Variants in ACKR2 observed in about 807,000 individuals in gnomAD.
The protein encoded by ACKR2 is atypical chemokine receptor 2.
For synonymous variants in ACKR2, 207 were observed against 192.2 expected (o/e 1.08, Z -0.64); for missense variants, 457 against 477.3 (o/e 0.96, Z 0.40).
chr3:42,855,936 A>C (rs961540244), intron 2 of ACKR2: 11 of 158,170 alleles, frequency 7.0e-5, no homozygotes, highest in Non-Finnish European at 9.7e-5. Context: ...TCAAGTCAAG[A>C]TCAAGGTCCA....
rs115196395 is a variant in ACKR2, at chr3:42,846,701, G to C, written c.-37-17765G>C. Among the ~76,000 whole-genome samples the C allele has an allele frequency of 5.3e-3, 809 of 152,314 alleles. 12 individuals carry two copies. Among genetic ancestry groups the C allele is most frequent in the African/African-American group, 0.018 (743 of 41,562 alleles). On this transcript the variant is annotated intron_variant, in intron 2 of 2. Coordinates refer to ENST00000422265, the MANE Select transcript of ACKR2 (RefSeq NM_001296.5). Reference sequence around the variant, plus strand: ...GAAAGCCTCAGGTGGTGGAGTCTTTGTATAAGAAGCGGTAAGACCACTGTT... The same window carrying C: ...GAAAGCCTCAGGTGGTGGAGTCTTTCTATAAGAAGCGGTAAGACCACTGTT...
At chr3:42,818,947 C>T (rs1306242654) in intron 1 of ACKR2, among the ~76,000 whole-genome samples, 2 of 151,996 alleles carry the variant, frequency 1.3e-5, no homozygotes, top group Admixed American at 6.6e-5. Flanking sequence ...TTTGCAGCTC[C>T]TCAAATTCCT....
At chr3:42,845,848 C>CA (rs35395771) in intron 2 of ACKR2, among the ~76,000 whole-genome samples, 1,786 of 48,498 alleles carry the variant, frequency 0.037, 26 homozygotes, top group East Asian at 0.12. Context: ...GACTCCGTCT[C>CA]AAAAAAAAAA....
At chr3:42,836,927 C>A (rs1210442560) in intron 2 of ACKR2, among the ~76,000 whole-genome samples, 1 of 152,238 alleles carries the variant, frequency 6.6e-6, no homozygotes, top group Non-Finnish European at 1.5e-5. Context: ...TCTTCCCCAC[C>A]TCTGATCACC....
chr3:42,821,766 G>C (rs967659977), intron 2 of ACKR2, among the ~76,000 whole-genome samples: 1 of 151,536 alleles, frequency 6.6e-6, no homozygotes, highest in Non-Finnish European at 1.5e-5. Flanking sequence ...GCGCTATCTC[G>C]GCTCACTGCA....
intron 2 of ACKR2, chr3:42,834,684 T>A (rs554135410): frequency 1.3e-5 from 2 of 151,390 alleles, no homozygotes; most frequent in Non-Finnish European, 2.9e-5. Flanking sequence ...TTCAAGTGAT[T>A]CTTCTGCCTC....
chr3:42,820,050 C>T (rs1364115171), intron 2 of ACKR2, among the ~76,000 whole-genome samples: 1 of 152,132 alleles, frequency 6.6e-6, no homozygotes, highest in East Asian at 1.9e-4. Flanking sequence ...GTCATTCTGC[C>T]CTCATACTGA....
Position 42,865,841 on chromosome 3 carries a change from G to A in ACKR2, c.*184G>A. On this transcript the variant is annotated 3_prime_UTR_variant, in exon 3 of 3. Coordinates refer to ENST00000422265, the MANE Select transcript of ACKR2 (RefSeq NM_001296.5). ...CCTCCACTTTCTTCACTTGCTTCCA[G>A]GATACCACGCTTTCTTTTCTGAATT... is the stretch of plus-strand genomic sequence containing the variant. The A allele has an allele frequency of 3.6e-6, 2 of 556,380 alleles. No homozygotes were observed. The highest frequency in any genetic ancestry group is 6.4e-6 in the Non-Finnish European group (2 of 310,106). The allele number at this position is 556,380 out of a possible 1,614,324, so 34.5% of individuals were successfully genotyped here.
At chr3:42,862,889 C>T (rs2088398910) in intron 2 of ACKR2, among the ~76,000 whole-genome samples, 2 of 152,162 alleles carry the variant, frequency 1.3e-5, no homozygotes, top group Non-Finnish European at 2.9e-5. Flanking sequence ...AAACATAAGA[C>T]CTAAAATCGT....
At chr3:42,863,431 C>T (rs1027390829) in intron 2 of ACKR2, among the ~76,000 whole-genome samples, 4 of 152,158 alleles carry the variant, frequency 2.6e-5, no homozygotes, top group Non-Finnish European at 1.5e-5. Context: ...ATTAGTTCAA[C>T]CATTGTGGAA....
At chr3:42,854,510 T>A (rs2088289253) in intron 2 of ACKR2, among the ~76,000 whole-genome samples, 1 of 152,130 alleles carries the variant, frequency 6.6e-6, no homozygotes, top group South Asian at 2.1e-4. Context: ...GGGTCGTCAC[T>A]TCCACCTCAC....
intron 2 of ACKR2, among the ~76,000 whole-genome samples, chr3:42,828,450 A>G (rs1327603482): frequency 6.6e-6 from 1 of 152,156 alleles, no homozygotes. Context: ...GGAAAGTCAG[A>G]TCAAGTGACT....
chr3:42,809,571 G>A (rs1700673036), intron 1 of ACKR2, 39 bp downstream of exon 1: 1 of 152,160 alleles, frequency 6.6e-6, no homozygotes, highest in Non-Finnish European at 1.5e-5. Flanking sequence ...TAGACAAAAA[G>A]TAGGGGAAGC....
intron 1 of ACKR2, among the ~76,000 whole-genome samples, chr3:42,811,729 C>T (rs1173691677): frequency 6.6e-6 from 1 of 152,108 alleles, no homozygotes; most frequent in African/African-American, 2.4e-5. Flanking sequence ...AAAACCCGAT[C>T]GTAAATTCCT....
At chr3:42,843,053 T>C (rs1701056565) in intron 2 of ACKR2, among the ~76,000 whole-genome samples, 2 of 147,908 alleles carry the variant, frequency 1.4e-5, no homozygotes, top group Non-Finnish European at 3.0e-5. Flanking sequence ...TATTTATTTA[T>C]TTATTTATTT....
intron 1 of ACKR2, among the ~76,000 whole-genome samples, chr3:42,814,215 C>G (rs1202368385): frequency 6.6e-6 from 1 of 152,214 alleles, no homozygotes; most frequent in Non-Finnish European, 1.5e-5. Context: ...TTTCATAATA[C>G]AGACATTATA....
intron 1 of ACKR2, among the ~76,000 whole-genome samples, chr3:42,818,859 G>A (rs976051947): frequency 1.3e-5 from 2 of 152,182 alleles, no homozygotes; most frequent in African/African-American, 2.4e-5. Flanking sequence ...ACCATACCTG[G>A]CCCATAGATT....
chr3:42,813,623 C>T (rs1700716902), intron 1 of ACKR2, among the ~76,000 whole-genome samples: 1 of 152,140 alleles, frequency 6.6e-6, no homozygotes, highest in South Asian at 2.1e-4. Flanking sequence ...TAATCACCTC[C>T]TACCAGGCCC....
chr3:42,833,437 AGTG>A (rs1205917614), intron 2 of ACKR2, among the ~76,000 whole-genome samples: 4 of 152,152 alleles, frequency 2.6e-5, no homozygotes, highest in Non-Finnish European at 5.9e-5. Context: ...TAAGTTCTTT[AGTG>A]GTGATTTCTG....
Sources: allele counts gnomAD v4.1 joint callset (sites outside exome capture counted in the v4.1 genomes callset), GRCh38; gene constraint gnomAD v4.1.1; transcripts MANE v1.5; gene names NCBI Gene and HGNC (gene_info 2026-07-23, HGNC 2026-07-21).